TTC39C: variants seen among roughly 807,000 people sequenced by gnomAD.
TTC39C encodes the protein tetratricopeptide repeat domain 39C.
TTC39C carries 33 observed loss-of-function variants against 76.3 expected under a neutral mutation model. That is an observed-to-expected ratio of 0.43 (90% confidence interval 0.33 to 0.58). The LOEUF is 0.58. Among genes scored for constraint, TTC39C ranks in the 20% least tolerant of loss-of-function variants. TTC39C has a pLI of 0.04. For synonymous variants in TTC39C, 254 were observed against 260.6 expected, an observed-to-expected ratio of 0.97 and a Z score of 0.24; for missense variants, 595 against 701.4, an observed-to-expected ratio of 0.85 and a Z score of 1.71.
chr18:24,002,481 A>G (rs73967649), intron 1 of TTC39C, among the ~76,000 whole-genome samples: 3,450 of 152,318 alleles, frequency 0.023, 124 homozygotes, highest in African/African-American at 0.079. Context: ...TGGTGTTGGA[A>G]AAAACTGAAG....
At chr18:24,037,492 C>T (rs1341880321) in intron 1 of TTC39C, among the ~76,000 whole-genome samples, 1 of 152,144 alleles carries the variant, frequency 6.6e-6, no homozygotes, top group Non-Finnish European at 1.5e-5. Context: ...TATTTATCCC[C>T]CATTCTCCAA....
At chr18:24,076,940 G>A (rs531317056) in intron 4 of TTC39C, 1 of 152,304 alleles carries the variant, frequency 6.6e-6, no homozygotes, top group South Asian at 2.1e-4. Context: ...CACGTACTCA[G>A]GATTGGATGG....
At chr18:24,111,366 C>G (rs999334409) in intron 6 of TTC39C, among the ~76,000 whole-genome samples, 1 of 151,822 alleles carries the variant, frequency 6.6e-6, no homozygotes, top group Non-Finnish European at 1.5e-5. Context: ...GTCAGGAGTT[C>G]GAGACCAGCC....
intron 8 of TTC39C, among the ~76,000 whole-genome samples, chr18:24,122,703 C>T (rs1278300109): frequency 1.3e-5 from 2 of 151,906 alleles, no homozygotes; most frequent in Non-Finnish European, 1.5e-5. Flanking sequence ...GCATAAGGGA[C>T]AGAGAAGACA....
chr18:23,995,707 GA>G (rs913445000), intron 1 of TTC39C, among the ~76,000 whole-genome samples: 183 of 143,392 alleles, frequency 1.3e-3, no homozygotes, highest in Admixed American at 2.1e-3. Context: ...ATCTCTGCCG[GA>G]AAAAAAAAAA....
intron 1 of TTC39C, among the ~76,000 whole-genome samples, chr18:24,017,575 C>T (rs2083468803): frequency 6.6e-6 from 1 of 152,146 alleles, no homozygotes; most frequent in Non-Finnish European, 1.5e-5. Context: ...GTGCAGGTAG[C>T]TTTTCTATTT....
Position 24,052,065 on chromosome 18 carries a change from G to A in TTC39C, c.168-12075G>A, listed in dbSNP as rs575244735. ...AGAATTAAAATATAGAGAGTGATTG[G>A]AGACATATTCATGTATCTTTAAAAA... On this transcript the variant is annotated intron_variant, in intron 1 of 13. Transcript: ENST00000317571. Among the ~76,000 whole-genome samples, 114 of 152,242 alleles carry A rather than the reference G, an allele frequency of 7.5e-4. 1 individual carries two copies. The highest frequency in any genetic ancestry group is 2.6e-3 in the African/African-American group (106 of 41,554).
chr18:24,080,558 G>T, intron 4 of TTC39C, 27 bp from the exon 5 acceptor site: 1 of 1,504,602 alleles, frequency 6.6e-7, no homozygotes, highest in South Asian at 1.3e-5. Flanking sequence ...GAATGTTTTT[G>T]AATCTTTTCT....
At chr18:24,095,677 C>T (rs548908547) in intron 6 of TTC39C, among the ~76,000 whole-genome samples, 7 of 152,182 alleles carry the variant, frequency 4.6e-5, no homozygotes, top group African/African-American at 1.4e-4. Flanking sequence ...CCAGCCTGGG[C>T]GACAAGAGTG....
intron 4 of TTC39C, chr18:24,076,836 A>G (rs1287998349): frequency 2.0e-5 from 3 of 152,162 alleles, no homozygotes; most frequent in African/African-American, 7.2e-5. Context: ...TCTTAGGCAC[A>G]AAATTAAAGA....
At chr18:24,132,394 G>A in intron 13 of TTC39C, 91 bp from the exon 14 acceptor site, 1 of 1,091,120 alleles carries the variant, frequency 9.2e-7, no homozygotes, top group Non-Finnish European at 1.3e-6. Context: ...ATTTTACTTT[G>A]GGAAATGCAA....
intron 6 of TTC39C, among the ~76,000 whole-genome samples, chr18:24,107,457 G>A (rs2084758693): frequency 6.6e-6 from 1 of 152,118 alleles, no homozygotes. Flanking sequence ...ATGTGTCATG[G>A]GAGGGGCCAG....
chr18:24,117,767 G>T (rs139400731), intron 7 of TTC39C, among the ~76,000 whole-genome samples: 1 of 151,890 alleles, frequency 6.6e-6, no homozygotes, highest in African/African-American at 2.4e-5. Context: ...GAGTGGTGTT[G>T]CTTCCACTGT....
chr18:24,014,607 A>C (rs28608904), upstream of TTC39C: 92,466 of 320,098 alleles, frequency 0.29, 15,790 homozygotes, highest in East Asian at 0.63. Context: ...GGTGCTTCGG[A>C]GGGCGCGAGA....
chr18:24,067,421 A>G (rs1001937209), intron 3 of TTC39C, among the ~76,000 whole-genome samples: 4 of 152,162 alleles, frequency 2.6e-5, no homozygotes, highest in African/African-American at 4.8e-5. Flanking sequence ...CCTCTGGGCC[A>G]TGGACCCGTA....
intron 1 of TTC39C, among the ~76,000 whole-genome samples, chr18:23,997,665 A>AGAAAGAAG (rs747631956): frequency 0.22 from 26,001 of 118,218 alleles, 4,160 homozygotes; most frequent in Non-Finnish European, 0.25. Flanking sequence ...AAAGAAAGAA[A>AGAAAGAAG]GAAAGAAAGA....
intron 8 of TTC39C, 93 bp from the exon 9 acceptor site, chr18:24,123,738 CCTG>C: frequency 1.2e-6 from 1 of 856,574 alleles, no homozygotes; most frequent in African/African-American, 1.9e-5. Context: ...CATATTTGCT[CCTG>C]CTTTTTTTTT....
At chr18:24,088,759 A>G (rs2084479013) in intron 6 of TTC39C, among the ~76,000 whole-genome samples, 1 of 152,144 alleles carries the variant, frequency 6.6e-6, no homozygotes, top group Non-Finnish European at 1.5e-5. Context: ...ACGTCGCCAT[A>G]TTCATGTCAC....
chr18:24,025,498 A>G (rs888318609), intron 1 of TTC39C, among the ~76,000 whole-genome samples: 2 of 152,236 alleles, frequency 1.3e-5, no homozygotes, highest in African/African-American at 4.8e-5. Context: ...TAAGCAGTGT[A>G]AGGAATATTT....
Sources: gnomAD v4.1 joint callset for allele counts (sites outside exome capture counted in the v4.1 genomes callset) on GRCh38, gnomAD v4.1.1 for gene constraint, MANE v1.5 for transcripts, NCBI Gene and HGNC (gene_info 2026-07-23, HGNC 2026-07-21) for gene names.